AMZ1: variants seen among roughly 807,000 people sequenced by gnomAD.
AMZ1 encodes the protein archaelysin family metallopeptidase 1.
Under a neutral mutation model 29.9 loss-of-function variants are expected in AMZ1, and 39 were observed. That is an observed-to-expected ratio of 1.30 (90% CI 1.01 to 1.70). The LOEUF (loss-of-function observed/expected upper bound fraction) is 1.70. Among genes scored for constraint, AMZ1 ranks in the 40% most tolerant of loss-of-function variants. AMZ1 has a pLI of 0.00. For missense variants in AMZ1, 1,041 were observed against 680.6 expected, an observed-to-expected ratio of 1.53 and a Z score of -5.89; for synonymous variants, 458 against 304.0, an observed-to-expected ratio of 1.51 and a Z score of -5.27.
intron 1 of AMZ1, among the ~76,000 whole-genome samples, chr7:2,696,029 A>AT (rs983437419): frequency 6.7e-6 from 1 of 148,530 alleles, no homozygotes; most frequent in African/African-American, 2.5e-5. Context: ...AAAAAAAAAA[A>AT]GGAAATGGAC....
chr7:2,694,321 C>T (rs1002122796), intron 1 of AMZ1, among the ~76,000 whole-genome samples: 5 of 152,190 alleles, frequency 3.3e-5, no homozygotes, highest in Admixed American at 2.0e-4. Flanking sequence ...TGTCCACCAT[C>T]GGCTGCCCTG....
At chr7:2,742,227 T>C (rs1014920573) in intron 4 of AMZ1, among the ~76,000 whole-genome samples, 5 of 152,140 alleles carry the variant, frequency 3.3e-5, no homozygotes, top group African/African-American at 9.6e-5. Context: ...TTGCCCCATT[T>C]TGGCCAGGCT....
chr7:2,711,964 T>G (rs1015200917), intron 6 of AMZ1, among the ~76,000 whole-genome samples: 16 of 152,142 alleles, frequency 1.1e-4, no homozygotes, highest in African/African-American at 3.9e-4. Context: ...GGAGAATTGC[T>G]TGAACCTGGG....
rs754507448 is a variant in AMZ1 at position 2,712,571 on chromosome 7, C to T, written c.1190C>T (p.Pro397Leu). Reference sequence around the variant, plus strand: ...GCAGCCTCAGAGGCTCCGCTGCCACCTGGGGGCCCTGCGGAGGCCATCAAG... The same window carrying T: ...GCAGCCTCAGAGGCTCCGCTGCCACTTGGGGGCCCTGCGGAGGCCATCAAG... The part of the protein sequence containing the change: ...YLAASEAPLP[P>L]GGPAEAIKEH... The change falls in exon 7 of 7, where the codon CCT (proline) becomes CTT (leucine). Residue 397 changes from proline (P) to leucine (L), a missense_variant. Coordinates refer to ENST00000683327, the MANE Select transcript of AMZ1 (RefSeq NM_001384743.1). The T allele has an allele frequency of 1.2e-6, 2 of 1,611,442 alleles. No homozygotes were observed. The highest frequency in any genetic ancestry group is 1.7e-6 in the Non-Finnish European group (2 of 1,179,180).
intron 1 of AMZ1, among the ~76,000 whole-genome samples, chr7:2,695,814 C>T (rs1464282018): frequency 6.6e-6 from 1 of 152,118 alleles, no homozygotes; most frequent in Non-Finnish European, 1.5e-5. Context: ...AGTTCGAGAC[C>T]AGCCTGACTA....
chr7:2,731,176 C>G lies in AMZ1; in HGVS notation n.550+21360C>G, dbSNP rs1438029920. 6.3e-7 allele frequency: 1 copy of G among 1,597,150 alleles called. No homozygotes were observed. Among genetic ancestry groups the G allele is most frequent in the Non-Finnish European group, 8.6e-7 (1 of 1,168,964 alleles). ...CAACGACGACAAACCCCGGGGCTTC[C>G]TCGCTCACTGCAGCATGATGTCCTT... On this transcript the variant is annotated intron_variant and non_coding_transcript_variant, in intron 4 of 4. Transcript: ENST00000489665. The surrounding 1 kb of genome is among the most constrained non-coding windows in gnomAD (Gnocchi z 6.0).
intron 6 of AMZ1, among the ~76,000 whole-genome samples, chr7:2,711,761 T>A (rs1291382373): frequency 1.3e-5 from 2 of 152,292 alleles, no homozygotes; most frequent in South Asian, 2.1e-4. Flanking sequence ...ATACGCTTTC[T>A]GGGTGGGTGC....
chr7:2,758,324 C>T (rs1010777780), intron 4 of AMZ1, among the ~76,000 whole-genome samples: 52 of 152,300 alleles, frequency 3.4e-4, no homozygotes, highest in African/African-American at 1.3e-3. Flanking sequence ...ATTCGCCATC[C>T]AAGTGATGAC....
At chr7:2,759,644 G>A (rs1240501022), upstream of AMZ1, among the ~76,000 whole-genome samples, 1 of 152,316 alleles carries the variant, frequency 6.6e-6, no homozygotes, top group Middle Eastern at 3.4e-3. Context: ...GTTCAGAGGT[G>A]TTTGTTCATG....
At chr7:2,689,151 C>T (rs547693131) in intron 1 of AMZ1, among the ~76,000 whole-genome samples, 1 of 152,360 alleles carries the variant, frequency 6.6e-6, no homozygotes, top group South Asian at 2.1e-4. Flanking sequence ...CCGCTGTCAG[C>T]TAATGAATAG....
chr7:2,754,849 T>G (rs1166230499), intron 4 of AMZ1, among the ~76,000 whole-genome samples: 1 of 152,198 alleles, frequency 6.6e-6, no homozygotes, highest in Non-Finnish European at 1.5e-5. Context: ...GCGTCATGTC[T>G]AAGAATTCTT....
intron 1 of AMZ1, among the ~76,000 whole-genome samples, chr7:2,699,208 C>G: frequency 6.6e-6 from 1 of 152,212 alleles, no homozygotes; most frequent in Non-Finnish European, 1.5e-5. Context: ...TGAACAGAGA[C>G]ATAAATGTAG....
intron 4 of AMZ1, among the ~76,000 whole-genome samples, chr7:2,744,685 T>C (rs1196244950): frequency 2.6e-5 from 4 of 151,478 alleles, no homozygotes; most frequent in Non-Finnish European, 5.9e-5. Context: ...CTTTGACGAG[T>C]TGAGAAAAGA....
chr7:2,763,975 T>G (rs572325992), upstream of AMZ1, among the ~76,000 whole-genome samples: 1 of 152,342 alleles, frequency 6.6e-6, no homozygotes, highest in Admixed American at 6.5e-5. Flanking sequence ...TACAGGGGCA[T>G]GAGAACAGGG....
At chr7:2,710,808 C>T (rs1359755877) in intron 6 of AMZ1, among the ~76,000 whole-genome samples, 2 of 152,212 alleles carry the variant, frequency 1.3e-5, no homozygotes, top group East Asian at 1.9e-4. Context: ...AGGGTAGGAG[C>T]ATCTCCCGAG....
At chr7:2,721,006 A>G (rs1174765797), downstream of AMZ1, among the ~76,000 whole-genome samples, 1 of 152,196 alleles carries the variant, frequency 6.6e-6, no homozygotes, top group African/African-American at 2.4e-5. Context: ...CGAATGTCAC[A>G]GCATGTTTCC....
rs1044260924 is a variant in AMZ1, at chr7:2,717,010, G to T, written c.*4132G>T. On this transcript the variant is annotated 3_prime_UTR_variant, in exon 7 of 7. Transcript: ENST00000683327. ...CTGGAGCGGTCTGAGCAGGAAGAGA[G>T]TAAGAAGGCGCACGGACGCGGGAGG... is the stretch of plus-strand genomic sequence containing the variant. Among the ~76,000 whole-genome samples the T allele has an allele frequency of 6.6e-6, 1 of 152,222 alleles. No individual in the cohort carries two copies. Among genetic ancestry groups the T allele is most frequent in the Non-Finnish European group, 1.5e-5 (1 of 68,044 alleles).
At chr7:2,684,076 G>T (rs1343392395), upstream of AMZ1, among the ~76,000 whole-genome samples, 1 of 151,976 alleles carries the variant, frequency 6.6e-6, no homozygotes, top group Non-Finnish European at 1.5e-5. Flanking sequence ...TACTCAGGAG[G>T]CTGAAGCAGG....
chr7:2,753,165 TAA>T (rs869161467), intron 4 of AMZ1, among the ~76,000 whole-genome samples: 112 of 147,188 alleles, frequency 7.6e-4, no homozygotes, highest in African/African-American at 2.7e-3. Context: ...TTTTTTTTTT[TAA>T]AAAAAGAGAC....
Sources: allele counts gnomAD v4.1 joint callset (sites outside exome capture counted in the v4.1 genomes callset), GRCh38; gene constraint gnomAD v4.1.1; non-coding constraint Gnocchi (gnomAD v3.1); transcripts MANE v1.5; gene names NCBI Gene and HGNC (gene_info 2026-07-23, HGNC 2026-07-21).